ZAN: variants seen among roughly 807,000 people sequenced by gnomAD.
ZAN encodes zonadhesin (gene/pseudogene).
In ZAN, 260 loss-of-function variants were observed where a neutral mutation model predicts 286.2. The ratio of observed to expected loss-of-function variants is 0.91; its 90% CI spans 0.82 to 1.01. The LOEUF (loss-of-function observed/expected upper bound fraction) is 1.01. Ranked by LOEUF, ZAN falls within the 50% of genes least tolerant of loss-of-function variation. The probability of loss-of-function intolerance (pLI) is 0.00; values close to 1 mark genes in which losing one functional copy is unlikely to be tolerated. For missense variants in ZAN, 3,410 were observed against 3,639.2 expected (o/e 0.94, Z 1.62); for synonymous variants, 1,368 against 1,417.5 (o/e 0.97, Z 0.79).
rs752543409 is a variant in ZAN at position 100,797,600 on chromosome 7, G to C, written c.8390G>C (p.Arg2797Thr). ...AGAGAGAAAACGCAGGAGGGAGACA[G>C]ACTGGCCAGGCTGGTGGACACAGGT... ...RKREKTQEGD[R>T]LARLVDTDTV... The change falls in exon 47 of 48, where the codon AGA becomes ACA. Residue 2797 changes from arginine to threonine, a missense_variant. This residue lies in a region of ZAN where 1,289 missense variants were observed against 1,314.3 expected (regional missense o/e 0.98). Transcript: ENST00000613979. 1.9e-6 allele frequency: 3 copies of C among 1,613,922 alleles called. No individual in the cohort carries two copies. Among genetic ancestry groups the C allele is most frequent in the Middle Eastern group, 1.7e-4 (1 of 6,058 alleles).
In ZAN at chr7:100,795,257, CT is replaced by C; in HGVS notation, c.8189del (p.Phe2730SerfsTer48). 1 of 1,611,368 alleles carries C rather than the reference CT, an allele frequency of 6.2e-7. No homozygotes were observed. The highest frequency in any genetic ancestry group is 1.3e-5 in the African/African-American group (1 of 74,788). On this transcript the variant is annotated frameshift_variant, in exon 45 of 48. Transcript: ENST00000613979. LOFTEE classifies it high-confidence loss of function. ...GGCAGTGTCGGGAGCAGGGAGCCACCTTCACCTGCGAGTGTGAAGTTGGTTA... is the reference window on the plus strand; with the variant it reads ...GGCAGTGTCGGGAGCAGGGAGCCACCTCACCTGCGAGTGTGAAGTTGGTTA... ...DGQCREQGAT[F>X]TCECEVGYGG... is the part of the protein sequence containing the mutation.
At chr7:100,771,725 C>G in intron 28 of ZAN, 119 bp from the exon 29 acceptor site, 1 of 1,126,710 alleles carries the variant, frequency 8.9e-7, no homozygotes, top group Admixed American at 2.4e-5. Flanking sequence ...AGCCACTGTG[C>G]CTGGCGGGAA....
chr7:100,797,507 C>A (rs763253908), intron 46 of ZAN, 42 bp downstream of exon 46: 1 of 1,608,702 alleles, frequency 6.2e-7, no homozygotes, highest in Non-Finnish European at 8.5e-7. Context: ...GTGGGGTGTG[C>A]AAACCGGGAA....
At position 100,736,356 on chromosome 7, in the gene ZAN, A is replaced by G; in HGVS notation, c.107-127A>G. 4 of 1,123,544 alleles carry G rather than the reference A, an allele frequency of 3.6e-6. 1 individual carries two copies. Among genetic ancestry groups the G allele is most frequent in the East Asian group, 2.4e-5 (1 of 41,470 alleles). The allele number at this position is 1,123,544 out of a possible 1,614,324, so 69.6% of individuals were successfully genotyped here. On this transcript the variant is annotated intron_variant, in intron 3 of 47. Transcript: ENST00000613979. ...GTAGCTGGGACTACAGGTGTGCGCCACCACACCCGGCTGATTTCATGGCAG... is the reference window on the plus strand; with the variant it reads ...GTAGCTGGGACTACAGGTGTGCGCCGCCACACCCGGCTGATTTCATGGCAG...
intron 31 of ZAN, among the ~76,000 whole-genome samples, chr7:100,774,920 T>G (rs542398): frequency 9.9e-5 from 12 of 120,688 alleles, no homozygotes; most frequent in East Asian, 1.3e-3. Context: ...CCCTGGGGTT[T>G]TTTGTTTGTT....
intron 44 of ZAN, among the ~76,000 whole-genome samples, 165 bp downstream of exon 44, chr7:100,794,423 A>G (rs1285997455): frequency 2.0e-5 from 3 of 152,174 alleles, no homozygotes; most frequent in Non-Finnish European, 4.4e-5. Context: ...CCGATCCCTA[A>G]GCATCCATGA....
At position 100,748,490 on chromosome 7, in the gene ZAN, C is replaced by A; in HGVS notation, c.1249+20C>A. ...ATGCAGGTGAGGAGATTGAGGAGCG[C>A]TCACGCCAAGAAATCACTCAGTCTG... On this transcript the variant is annotated intron_variant, in intron 11 of 47. Transcript: ENST00000613979. 6.3e-7 allele frequency: 1 copy of A among 1,597,960 alleles called. No individual in the cohort carries two copies. The highest frequency in any genetic ancestry group is 8.5e-7 in the Non-Finnish European group (1 of 1,172,146).
At chr7:100,734,311 A>T in intron 2 of ZAN, 90 bp downstream of exon 2, 1 of 951,794 alleles carries the variant, frequency 1.1e-6, no homozygotes, top group Non-Finnish European at 1.5e-6. Flanking sequence ...GGGGGCGAGC[A>T]GGCTAACTAC....
In ZAN at chr7:100,737,615, A is replaced by G. The variant is rs922850929; in HGVS notation, c.613+266A>G. 1.6e-4 allele frequency among the ~76,000 whole-genome samples: 23 copies of G among 139,990 alleles called. 4 individuals are homozygous for G. The highest frequency in any genetic ancestry group is 3.4e-4 in the Non-Finnish European group (21 of 62,522). The allele number at this position is 139,990 out of a possible 152,430, so 91.8% of individuals were successfully genotyped here. On this transcript the variant is annotated intron_variant, in intron 6 of 47. Coordinates refer to ENST00000613979, the MANE Select transcript of ZAN (RefSeq NM_003386.3). The stretch of plus-strand genomic sequence containing the variant: ...CAGCTACTTGGGAGGCTGAGGCAGG[A>G]GAATGGCATGAACCTGGGAGGTGGA...
Position 100,736,943 on chromosome 7 carries a change from G to T in ZAN, c.388G>T (p.Ala130Ser), listed in dbSNP as rs562124194. 5.3e-6 allele frequency: 8 copies of T among 1,501,930 alleles called. 2 individuals carry two copies. The highest frequency in any genetic ancestry group is 1.2e-5 in the South Asian group (1 of 86,138). 93.0% of individuals were successfully genotyped at this position (1,501,930 alleles called of 1,614,324 possible). Residue 130 changes from alanine to serine, a missense_variant, in exon 5 of 48, where the codon GCC (alanine) becomes TCC (serine). Physicochemically the swap from Ala to Ser is moderately conservative, Grantham distance 99. Coordinates refer to ENST00000613979, the MANE Select transcript of ZAN (RefSeq NM_003386.3). The stretch of plus-strand genomic sequence containing the variant: ...CCACATGTTCGGGCTGTCTTGGGGC[G>T]CCCAGCTCAGGCTGCTGCTGCTCTC... The part of the protein sequence containing the change: ...AHHMFGLSWG[A>S]QLRLLLLSGE...
In ZAN at chr7:100,768,635, T is replaced by G. The variant is rs747988644; in HGVS notation, c.5067T>G (p.Asp1689Glu). ...GGAACTACAACAACAACAGCTTGGA[T>G]GACAACCTGCGCCCCGACAGAAAGC... The part of the protein sequence containing the change: ...LCGNYNNNSL[D>E]DNLRPDRKLA... The change falls in exon 27 of 48, where the codon GAT becomes GAG. Residue 1689 changes from aspartate to glutamate, a missense_variant. Asp to Glu is a conservative substitution (Grantham distance 45). Transcript: ENST00000613979. 1 of 1,610,548 alleles carries G rather than the reference T, an allele frequency of 6.2e-7. No homozygotes were observed. The highest frequency in any genetic ancestry group is 1.1e-5 in the South Asian group (1 of 90,306).
intron 39 of ZAN, 99 bp downstream of exon 39, chr7:100,789,446 C>G: frequency 1.3e-6 from 2 of 1,535,118 alleles, no homozygotes; most frequent in Non-Finnish European, 1.8e-6. Context: ...GCAGACTCGG[C>G]CCGGTAGTGG....
intron 13 of ZAN, 38 bp downstream of exon 13, chr7:100,751,304 C>T (rs1225059827): frequency 5.6e-6 from 8 of 1,439,150 alleles, no homozygotes; most frequent in Admixed American, 2.4e-5. Context: ...GGGGGCGGTG[C>T]CCTGAGGTTC....
chr7:100,757,022 C>G (rs1011577606), intron 15 of ZAN, among the ~76,000 whole-genome samples: 1 of 152,228 alleles, frequency 6.6e-6, no homozygotes, highest in African/African-American at 2.4e-5. Flanking sequence ...CCCGCCTCAG[C>G]CTTCCAAAGT....
At chr7:100,769,774 TG>T in intron 27 of ZAN, 105 bp from the exon 28 acceptor site, 1 of 970,608 alleles carries the variant, frequency 1.0e-6, no homozygotes, top group Non-Finnish European at 1.5e-6. Context: ...CTTGAACTTC[TG>T]GTCTCAAGCG....
intron 22 of ZAN, among the ~76,000 whole-genome samples, chr7:100,764,659 A>T (rs952836805): frequency 6.6e-6 from 1 of 151,750 alleles, no homozygotes; most frequent in African/African-American, 2.4e-5. Flanking sequence ...ACTGCACTCC[A>T]GCCTGGGTGA....
intron 14 of ZAN, 42 bp downstream of exon 14, chr7:100,753,271 G>C (rs1257267123): frequency 1.3e-6 from 2 of 1,527,326 alleles, no homozygotes; most frequent in Admixed American, 2.2e-5. Flanking sequence ...GAAAGTCAGA[G>C]ACAATGACTA....
chr7:100,751,324 C>T (rs1808647929), intron 13 of ZAN, 58 bp downstream of exon 13: 2 of 1,295,520 alleles, frequency 1.5e-6, no homozygotes, highest in Non-Finnish European at 2.1e-6. Flanking sequence ...CCCTGGAGTT[C>T]TCTCTATGAA....
Position 100,759,821 on chromosome 7 carries a change from C to T in ZAN, c.3672C>T (p.Thr1224=), listed in dbSNP as rs978328697. The change falls in exon 18 of 48, where the codon ACC becomes ACT. Residue 1224 remains threonine, a synonymous_variant. Transcript: ENST00000613979. ...TGACCCTGCCCGAGAGCACCGTCAC[C>T]CTGCTTAAGGGCAGACGCACTCTGG... ...VYVTLPESTV[T]LLKGRRTLVG... 6.2e-7 allele frequency: 1 copy of T among 1,612,552 alleles called. No individual in the cohort carries two copies. Among genetic ancestry groups the T allele is most frequent in the African/African-American group, 1.3e-5 (1 of 74,954 alleles).
Sources: gnomAD v4.1 joint callset for allele counts (sites outside exome capture counted in the v4.1 genomes callset) on GRCh38, gnomAD v4.1.1 for gene constraint, gnomAD v4.1.1 regional missense constraint, MANE v1.5 for transcripts, NCBI Gene and HGNC (gene_info 2026-07-23, HGNC 2026-07-21) for gene names.